The following PXYLP1 variants were observed in gnomAD, a reference collection of about 807,000 sequenced individuals.
PXYLP1 encodes acid phosphatase-like 2.
Under a neutral mutation model 37.9 loss-of-function variants are expected in PXYLP1, and 17 were observed. The ratio of observed to expected loss-of-function variants is 0.45; its 90% CI spans 0.31 to 0.67. The LOEUF (loss-of-function observed/expected upper bound fraction) is 0.67. Ranked by LOEUF, PXYLP1 falls within the 30% of genes least tolerant of loss-of-function variation. The pLI, the probability that PXYLP1 is intolerant of heterozygous loss-of-function variation, is 0.07. For synonymous variants in PXYLP1, 221 were observed against 232.2 expected (o/e 0.95, Z 0.44); for missense variants, 511 against 612.0 (o/e 0.84, Z 1.74).
intron 2 of PXYLP1, 106 bp downstream of exon 2, chr3:141,260,360 C>T (rs1026228871): frequency 2.2e-5 from 29 of 1,317,064 alleles, no homozygotes; most frequent in Non-Finnish European, 2.8e-5. Context: ...CTGAAGACAA[C>T]GAAGTCTTTT....
intron 1 of PXYLP1, among the ~76,000 whole-genome samples, chr3:141,255,093 T>C (rs537925489): frequency 6.6e-6 from 1 of 152,356 alleles, no homozygotes; most frequent in South Asian, 2.1e-4. Context: ...GTATTCTTCA[T>C]AATGTAATGG....
At chr3:141,277,050 G>T (rs1191826260) in intron 2 of PXYLP1, among the ~76,000 whole-genome samples, 10 of 152,074 alleles carry the variant, frequency 6.6e-5, no homozygotes, top group African/African-American at 2.4e-4. Flanking sequence ...TTTTTCAGGT[G>T]TAGGGTCTCT....
Position 141,248,618 on chromosome 3 carries a change from TAC to T in PXYLP1, c.-53-11498_-53-11497del, listed in dbSNP as rs572373323. On this transcript the variant is annotated intron_variant, in intron 1 of 5. Coordinates refer to ENST00000286353, the MANE Select transcript of PXYLP1 (RefSeq NM_001037172.3). ...ACGTGTATATATACACACGTATATA[TAC>T]ACACACGTATATATACACACGTGTA... is the stretch of plus-strand genomic sequence containing the variant. Among the ~76,000 whole-genome samples, 29 of 100,874 alleles carry T rather than the reference TAC, an allele frequency of 2.9e-4. 5 individuals are homozygous for T. Among genetic ancestry groups the T allele is most frequent in the East Asian group, 7.9e-4 (2 of 2,516 alleles). 66.2% of individuals were successfully genotyped at this position (100,874 alleles called of 152,430 possible). A position where few individuals can be genotyped will look rare whatever the true frequency, so the allele number is the denominator to read the frequency against.
Position 141,279,474 on chromosome 3 carries a change from C to T in PXYLP1, c.335C>T (p.Pro112Leu). The T allele has an allele frequency of 6.2e-7, 1 of 1,614,238 alleles. No homozygotes were observed. Among genetic ancestry groups the T allele is most frequent in the South Asian group, 1.1e-5 (1 of 91,084 alleles). Reference sequence around the variant, plus strand: ...TATGTCATTCCCAAAACAAAGCGACCAGAAATTGACTGCACTCTGGTGGCT... The same window carrying T: ...TATGTCATTCCCAAAACAAAGCGACTAGAAATTGACTGCACTCTGGTGGCT... ...PLYVIPKTKR[P>L]EIDCTLVANR... The change falls in exon 4 of 6, where the codon CCA becomes CTA. Residue 112 changes from proline (P) to leucine (L), a missense_variant. Coordinates refer to ENST00000286353, the MANE Select transcript of PXYLP1 (RefSeq NM_001037172.3).
At chr3:141,269,167 C>T (rs12639560) in intron 2 of PXYLP1, among the ~76,000 whole-genome samples, 9,305 of 152,298 alleles carry the variant, frequency 0.061, 464 homozygotes, top group Admixed American at 0.13. Flanking sequence ...ACCCACCCAC[C>T]CTCAAGGACA....
chr3:141,233,970 A>T (rs941137823), intron 1 of PXYLP1, among the ~76,000 whole-genome samples: 4 of 152,054 alleles, frequency 2.6e-5, no homozygotes, highest in South Asian at 4.1e-4. Context: ...ATCTTCAGGG[A>T]TGGGTGGAAG....
chr3:141,272,595 G>A (rs912656555), intron 2 of PXYLP1: 2 of 153,030 alleles, frequency 1.3e-5, no homozygotes, highest in African/African-American at 4.8e-5. Flanking sequence ...TTTATAAAGG[G>A]GAGTTTATTA....
At chr3:141,273,012 A>G in intron 2 of PXYLP1, 1 of 985,400 alleles carries the variant, frequency 1.0e-6, no homozygotes, top group Non-Finnish European at 1.2e-6. Flanking sequence ...CTTTATATCC[A>G]TGTCTTCACT....
chr3:141,278,329 T>C lies in PXYLP1; in HGVS notation c.80-13T>C, dbSNP rs929957118. On this transcript the variant is annotated splice_polypyrimidine_tract_variant and intron_variant, in intron 2 of 5. Coordinates refer to ENST00000286353, the MANE Select transcript of PXYLP1 (RefSeq NM_001037172.3). ...AGGAACTGTGCGTCACAACCTGCCTTACTTCGTTTCAGTCCACCTGATCCC... is the reference window on the plus strand; with the variant it reads ...AGGAACTGTGCGTCACAACCTGCCTCACTTCGTTTCAGTCCACCTGATCCC... 3 of 1,614,088 alleles carry C rather than the reference T, an allele frequency of 1.9e-6. No homozygotes were observed. The highest frequency in any genetic ancestry group is 1.7e-6 in the Non-Finnish European group (2 of 1,179,966).
chr3:141,292,005 G>A lies in PXYLP1; in HGVS notation c.506-263G>A, dbSNP rs1400033070. 6.6e-6 allele frequency among the ~76,000 whole-genome samples: 1 copy of A among 152,242 alleles called. No individual in the cohort carries two copies. The highest frequency in any genetic ancestry group is 1.5e-5 in the Non-Finnish European group (1 of 68,046). ...TCCCCAGGGAAGAGGCCAGTCTGGA[G>A]GCCAAGTGCAAGGCAGATGGTCCAA... On this transcript the variant is annotated intron_variant, in intron 5 of 5. Coordinates refer to ENST00000286353, the MANE Select transcript of PXYLP1 (RefSeq NM_001037172.3). The surrounding 1 kb of genome is among the most constrained non-coding windows in gnomAD (Gnocchi z 4.3).
intron 1 of PXYLP1, among the ~76,000 whole-genome samples, chr3:141,249,470 CTTTT>C (rs564313232): frequency 5.4e-5 from 5 of 93,146 alleles, no homozygotes; most frequent in East Asian, 3.3e-4. Flanking sequence ...ACTTTGGAAG[CTTTT>C]TTTTTTTTTT....
chr3:141,279,458 C>G lies in PXYLP1; in HGVS notation c.319C>G (p.Pro107Ala). The G allele has an allele frequency of 6.2e-7, 1 of 1,614,208 alleles. No individual in the cohort carries two copies. Among genetic ancestry groups the G allele is most frequent in the Non-Finnish European group, 8.5e-7 (1 of 1,180,034 alleles). ...AGACAGGTACCCACTGTATGTCATT[C>G]CCAAAACAAAGCGACCAGAAATTGA... ...HGDRYPLYVI[P>A]KTKRPEIDCT... The change falls in exon 4 of 6, where the codon CCC (proline) becomes GCC (alanine). Residue 107 changes from proline (P) to alanine (A), a missense_variant. Pro to Ala is a conservative substitution (Grantham distance 27). Coordinates refer to ENST00000286353, the MANE Select transcript of PXYLP1 (RefSeq NM_001037172.3).
chr3:141,280,005 C>G (rs1258206592), intron 4 of PXYLP1, among the ~76,000 whole-genome samples: 1 of 152,366 alleles, frequency 6.6e-6, no homozygotes, highest in South Asian at 2.1e-4. Flanking sequence ...TTTCACCCTT[C>G]TAATTTTTCA....
chr3:141,239,526 T>TCC (rs1940744766), intron 1 of PXYLP1, among the ~76,000 whole-genome samples: 1 of 45,248 alleles, frequency 2.2e-5, no homozygotes, highest in Non-Finnish European at 3.7e-5. Flanking sequence ...ATGATTTTTT[T>TCC]TCTCTTGTGC....
intron 2 of PXYLP1, chr3:141,262,426 A>C (rs1941413011): frequency 9.7e-6 from 8 of 825,604 alleles, no homozygotes; most frequent in Non-Finnish European, 1.3e-5. Flanking sequence ...GTTACAGTCA[A>C]CCCTGATTTT....
At chr3:141,251,238 G>A (rs1941132785) in intron 1 of PXYLP1, among the ~76,000 whole-genome samples, 1 of 152,220 alleles carries the variant, frequency 6.6e-6, no homozygotes, top group South Asian at 2.1e-4. Flanking sequence ...AGGAATGGGT[G>A]GCCTTGCCCC....
At chr3:141,276,101 T>C (rs1941788130) in intron 2 of PXYLP1, among the ~76,000 whole-genome samples, 1 of 152,252 alleles carries the variant, frequency 6.6e-6, no homozygotes, top group African/African-American at 2.4e-5. Context: ...AGCGGCAGGC[T>C]GACCAAATAG....
chr3:141,266,643 C>CAGAGGGAG (rs1941520941), intron 2 of PXYLP1, among the ~76,000 whole-genome samples: 1 of 115,462 alleles, frequency 8.7e-6, no homozygotes, highest in African/African-American at 3.9e-5. Flanking sequence ...GAGGGAGAGA[C>CAGAGGGAG]AGAGGGAGAG....
chr3:141,234,887 T>A (rs1940622909), intron 1 of PXYLP1: 1 of 152,250 alleles, frequency 6.6e-6, no homozygotes, highest in African/African-American at 2.4e-5. Context: ...TGTCTTCAGG[T>A]CTGGCTCAGA....
Sources: allele counts gnomAD v4.1 joint callset (sites outside exome capture counted in the v4.1 genomes callset), GRCh38; gene constraint gnomAD v4.1.1; non-coding constraint Gnocchi (gnomAD v3.1); transcripts MANE v1.5; gene names NCBI Gene and HGNC (gene_info 2026-07-23, HGNC 2026-07-21).